VWC2: variants seen among roughly 807,000 people sequenced by gnomAD.
The protein encoded by VWC2 is von Willebrand factor C domain containing 2.
VWC2 carries 14 observed loss-of-function variants against 29.8 expected under a neutral mutation model. The ratio of observed to expected loss-of-function variants is 0.47; its 90% CI spans 0.31 to 0.74. The LOEUF is 0.74. Ranked by LOEUF, VWC2 falls within the 30% of genes least tolerant of loss-of-function variation. The probability of loss-of-function intolerance (pLI) is 0.05; values close to 1 mark genes in which losing one functional copy is unlikely to be tolerated. For synonymous variants in VWC2, 213 were observed against 199.0 expected, an observed-to-expected ratio of 1.07 and a Z score of -0.59; for missense variants, 457 against 459.8, an observed-to-expected ratio of 0.99 and a Z score of 0.05.
intron 3 of VWC2, among the ~76,000 whole-genome samples, chr7:49,838,362 C>T (rs1789713732): frequency 6.6e-6 from 1 of 152,198 alleles, no homozygotes; most frequent in Non-Finnish European, 1.5e-5. Flanking sequence ...CAGATTGGTG[C>T]ACTTTTTCAT....
intron 3 of VWC2, among the ~76,000 whole-genome samples, chr7:49,908,397 TAA>T (rs1401381039): frequency 6.6e-6 from 1 of 152,190 alleles, no homozygotes; most frequent in Non-Finnish European, 1.5e-5. Context: ...GGTCTTAGTG[TAA>T]AATGAGACAT....
At chr7:49,777,673 T>C (rs1324792845) in intron 2 of VWC2, among the ~76,000 whole-genome samples, 2 of 152,192 alleles carry the variant, frequency 1.3e-5, no homozygotes, top group Non-Finnish European at 2.9e-5. Context: ...GCCCAGGCCA[T>C]GCAAAATTAA....
chr7:49,823,601 G>A (rs895629352), intron 3 of VWC2, among the ~76,000 whole-genome samples: 21 of 152,296 alleles, frequency 1.4e-4, no homozygotes, highest in South Asian at 4.1e-4. Context: ...CGGCAGTTGG[G>A]TATGTGTTTA....
chr7:49,898,904 C>T (rs57033478), intron 3 of VWC2, among the ~76,000 whole-genome samples: 4,143 of 151,804 alleles, frequency 0.027, 208 homozygotes, highest in African/African-American at 0.095. Context: ...ATTAAAGCCA[C>T]AAAAAGCATA....
chr7:49,808,068 A>G (rs1265796164), intron 3 of VWC2, among the ~76,000 whole-genome samples: 1 of 152,072 alleles, frequency 6.6e-6, no homozygotes, highest in African/African-American at 2.4e-5. Context: ...TTGCGTTTCC[A>G]TGACAGGTCC....
chr7:49,822,057 G>A (rs1243306552), intron 3 of VWC2, among the ~76,000 whole-genome samples: 2 of 152,058 alleles, frequency 1.3e-5, no homozygotes, highest in Non-Finnish European at 2.9e-5. Context: ...TTTAGAAATG[G>A]TTGAACTTTG....
intron 3 of VWC2, among the ~76,000 whole-genome samples, chr7:49,855,231 T>C (rs2128718114): frequency 6.6e-6 from 1 of 152,338 alleles, no homozygotes; most frequent in East Asian, 1.9e-4. Context: ...GAAAATGGGA[T>C]ATGTTTTACA....
chr7:49,782,372 T>A (rs563615412), intron 2 of VWC2, among the ~76,000 whole-genome samples: 1 of 152,258 alleles, frequency 6.6e-6, no homozygotes, highest in East Asian at 1.9e-4. Context: ...TGAGGAGGTT[T>A]AGGAAAGCAG....
Position 49,921,899 on chromosome 7 carries a change from G to T in VWC2, c.*9714G>T, listed in dbSNP as rs994742598. On this transcript the variant is annotated 3_prime_UTR_variant, in exon 4 of 4. Coordinates refer to ENST00000340652, the MANE Select transcript of VWC2 (RefSeq NM_198570.5). ...TAGGCCGAATTTGTATGTATTGTTG[G>T]ATGGGTATGTGTATTGACCTGATTT... The T allele has an allele frequency of 7.2e-5, 11 of 152,154 alleles. No homozygotes were observed. The highest frequency in any genetic ancestry group is 6.5e-4 in the Admixed American group (10 of 15,276). 9.4% of individuals were successfully genotyped at this position (152,154 alleles called of 1,614,324 possible). A position where few individuals can be genotyped will look rare whatever the true frequency, so the allele number is the denominator to read the frequency against.
chr7:49,795,094 A>G (rs532263001), intron 2 of VWC2, among the ~76,000 whole-genome samples: 33 of 152,268 alleles, frequency 2.2e-4, no homozygotes, highest in African/African-American at 7.2e-4. Flanking sequence ...AGGAGAGATA[A>G]TGTAGTAAGC....
intron 3 of VWC2, among the ~76,000 whole-genome samples, chr7:49,806,507 C>T (rs1419751253): frequency 6.6e-6 from 1 of 152,150 alleles, no homozygotes; most frequent in African/African-American, 2.4e-5. Context: ...TTTATTTTTA[C>T]AGGAAAACAT....
rs1376134630 is a variant in VWC2 at position 49,919,432 on chromosome 7, T to TA, written c.*7248dup. 6.6e-6 allele frequency: 1 copy of TA among 152,296 alleles called. No individual in the cohort carries two copies. The highest frequency in any genetic ancestry group is 1.9e-4 in the East Asian group (1 of 5,180). The allele number at this position is 152,296 out of a possible 1,614,324, so 9.4% of individuals were successfully genotyped here. ...TAAGCAAAATTTTGCCATTTTCTGA[T>TA]ACATAGTAGCTAGCTAGTGATAAAA... On this transcript the variant is annotated 3_prime_UTR_variant, in exon 4 of 4. Coordinates refer to ENST00000340652, the MANE Select transcript of VWC2 (RefSeq NM_198570.5).
chr7:49,904,223 G>A (rs1792953497), intron 3 of VWC2, among the ~76,000 whole-genome samples: 1 of 152,034 alleles, frequency 6.6e-6, no homozygotes. Context: ...AATGATTTGA[G>A]GCTGCTTTTC....
chr7:49,847,686 A>G lies in VWC2; in HGVS notation c.826+44846A>G, dbSNP rs190938617. On this transcript the variant is annotated intron_variant, in intron 3 of 3. Transcript: ENST00000340652. ...AAGTAAAATATGAGCAAAAGCCCTC[A>G]TGGTGGCTTCCACGGGAAGAAGGGG... is the stretch of plus-strand genomic sequence containing the variant. 2.4e-4 allele frequency among the ~76,000 whole-genome samples: 37 copies of G among 152,328 alleles called. No homozygotes were observed. In the East Asian group the frequency reaches 6.6e-3, roughly 27 times the overall value.
At chr7:49,844,423 C>A (rs959671592) in intron 3 of VWC2, among the ~76,000 whole-genome samples, 3 of 152,190 alleles carry the variant, frequency 2.0e-5, no homozygotes, top group South Asian at 4.1e-4. Context: ...AGTTAGATAA[C>A]TATAGATATG....
At chr7:49,900,108 A>G (rs971110104) in intron 3 of VWC2, among the ~76,000 whole-genome samples, 3 of 151,788 alleles carry the variant, frequency 2.0e-5, no homozygotes, top group East Asian at 3.8e-4. Flanking sequence ...GTTTAAAAAT[A>G]TTTTAAACTA....
rs1793919552 is a variant in VWC2 at position 49,919,669 on chromosome 7, A to C, written c.*7484A>C. On this transcript the variant is annotated 3_prime_UTR_variant, in exon 4 of 4. Coordinates refer to ENST00000340652, the MANE Select transcript of VWC2 (RefSeq NM_198570.5). ...AGTTTCAAGGTGTATGCTATTTCTTAAAACAAAAACAAAGATTGTCCCCAC... is the reference window on the plus strand; with the variant it reads ...AGTTTCAAGGTGTATGCTATTTCTTCAAACAAAAACAAAGATTGTCCCCAC... 6.6e-6 allele frequency: 1 copy of C among 152,244 alleles called. No individual in the cohort carries two copies. Among genetic ancestry groups the C allele is most frequent in the South Asian group, 2.1e-4 (1 of 4,824 alleles). 9.4% of individuals were successfully genotyped at this position (152,244 alleles called of 1,614,324 possible). A position where few individuals can be genotyped will look rare whatever the true frequency, so the allele number is the denominator to read the frequency against.
intron 3 of VWC2, among the ~76,000 whole-genome samples, chr7:49,895,792 A>T (rs1792360138): frequency 6.6e-6 from 1 of 152,178 alleles, no homozygotes. Context: ...AAATATGAAA[A>T]TTAAGTATAA....
At chr7:49,784,239 A>G (rs1307260416) in intron 2 of VWC2, among the ~76,000 whole-genome samples, 2 of 152,250 alleles carry the variant, frequency 1.3e-5, no homozygotes, top group African/African-American at 4.8e-5. Flanking sequence ...CAAATAATGT[A>G]CACTGCATCC....
Sources: allele counts gnomAD v4.1 joint callset (sites outside exome capture counted in the v4.1 genomes callset), GRCh38; gene constraint gnomAD v4.1.1; transcripts MANE v1.5; gene names NCBI Gene and HGNC (gene_info 2026-07-23, HGNC 2026-07-21).